The following ADGRV1 variants were observed in gnomAD, a reference collection of about 807,000 sequenced individuals.
ADGRV1 encodes the protein adhesion G protein-coupled receptor V1, also known as G-protein coupled receptor 98.
A neutral mutation model predicts 596.2 loss-of-function variants in ADGRV1; 359 were observed. The observed-to-expected ratio is 0.60, with a 90% CI of 0.55 to 0.66. The LOEUF (loss-of-function observed/expected upper bound fraction) is 0.66. ADGRV1 is among the 30% of genes least tolerant of loss of function. The pLI, the probability that ADGRV1 is intolerant of heterozygous loss-of-function variation, is 0.00. For synonymous variants in ADGRV1, 2,681 were observed against 2,679.2 expected (o/e 1.00, Z -0.02); for missense variants, 7,274 against 7,575.6 (o/e 0.96, Z 1.48).
intron 1 of ADGRV1, among the ~76,000 whole-genome samples, chr5:90,593,290 T>C (rs1278082396): frequency 6.6e-6 from 1 of 152,236 alleles, no homozygotes; most frequent in Non-Finnish European, 1.5e-5. Flanking sequence ...GATGAGTTCA[T>C]GTGCTTTGCA....
intron 85 of ADGRV1, among the ~76,000 whole-genome samples, chr5:91,015,677 G>A (rs1192442756): frequency 6.6e-6 from 1 of 151,972 alleles, no homozygotes; most frequent in Non-Finnish European, 1.5e-5. Context: ...TTTAAAGTCT[G>A]TTTTGTCTGA....
intron 83 of ADGRV1, among the ~76,000 whole-genome samples, chr5:90,888,213 A>T (rs1000066009): frequency 2.6e-5 from 4 of 152,174 alleles, no homozygotes; most frequent in Non-Finnish European, 5.9e-5. Flanking sequence ...GCATTAAATA[A>T]TGTTTTCCCT....
chr5:90,729,392 A>T (rs961478909), intron 49 of ADGRV1, among the ~76,000 whole-genome samples: 24 of 152,196 alleles, frequency 1.6e-4, no homozygotes, highest in Non-Finnish European at 2.8e-4. Context: ...TTCCTAAAAA[A>T]ATTAAAAAAA....
At chr5:91,002,022 A>G (rs1038612812) in intron 85 of ADGRV1, among the ~76,000 whole-genome samples, 14 of 152,160 alleles carry the variant, frequency 9.2e-5, no homozygotes, top group Admixed American at 8.5e-4. Flanking sequence ...TTTGTGTTAA[A>G]GAGATTAGCC....
At chr5:90,639,904 C>T (rs1320466782) in intron 11 of ADGRV1, among the ~76,000 whole-genome samples, 2 of 152,086 alleles carry the variant, frequency 1.3e-5, no homozygotes, top group African/African-American at 4.8e-5. Flanking sequence ...AAATAGTTAA[C>T]AGTTTATTGT....
chr5:90,725,049 A>T, intron 46 of ADGRV1, 37 bp from the exon 47 acceptor site: 1 of 1,536,264 alleles, frequency 6.5e-7, no homozygotes. Context: ...TTTTAGATGT[A>T]TAATGAATAA....
intron 85 of ADGRV1, among the ~76,000 whole-genome samples, chr5:91,046,903 A>G (rs1397698867): frequency 2.0e-5 from 3 of 152,188 alleles, no homozygotes; most frequent in Non-Finnish European, 4.4e-5. Context: ...TGGCCAACAA[A>G]CATATGAAAA....
At chr5:90,747,585 TA>T (rs1754767867) in intron 52 of ADGRV1, among the ~76,000 whole-genome samples, 1 of 152,098 alleles carries the variant, frequency 6.6e-6, no homozygotes, top group Middle Eastern at 3.4e-3. Context: ...TCACAAGATG[TA>T]TAAAATGTTG....
At chr5:91,034,114 G>A (rs1045078004) in intron 85 of ADGRV1, among the ~76,000 whole-genome samples, 3 of 151,934 alleles carry the variant, frequency 2.0e-5, no homozygotes, top group African/African-American at 7.3e-5. Flanking sequence ...AAAATTTAAA[G>A]TTTGTATTTA....
intron 83 of ADGRV1, among the ~76,000 whole-genome samples, chr5:90,898,065 CCCTAAGAAGCACT>C: frequency 6.6e-6 from 1 of 152,052 alleles, no homozygotes. Context: ...TTGATGTGTC[CCCTAAGAAGCACT>C]CTTCTTTTGG....
intron 86 of ADGRV1, among the ~76,000 whole-genome samples, chr5:91,093,850 A>C (rs13186180): frequency 7.1e-6 from 1 of 141,176 alleles, no homozygotes; most frequent in Non-Finnish European, 1.5e-5. Flanking sequence ...TACATACGTA[A>C]GTTTTTTTTT....
At chr5:90,960,085 G>C (rs568864103) in intron 83 of ADGRV1, among the ~76,000 whole-genome samples, 1 of 149,766 alleles carries the variant, frequency 6.7e-6, no homozygotes, top group East Asian at 2.0e-4. Flanking sequence ...CTTGCAGTGA[G>C]CCGAGATCGC....
At chr5:91,064,489 G>A (rs1787713429) in intron 85 of ADGRV1, among the ~76,000 whole-genome samples, 1 of 152,190 alleles carries the variant, frequency 6.6e-6, no homozygotes, top group Non-Finnish European at 1.5e-5. Flanking sequence ...AGTAGTAGTA[G>A]TGGTAGTAGT....
chr5:90,729,856 G>C (rs1752310794), intron 50 of ADGRV1, 92 bp downstream of exon 50: 1 of 1,296,970 alleles, frequency 7.7e-7, no homozygotes, highest in Admixed American at 2.3e-5. Flanking sequence ...GTATCACATT[G>C]CCAGACACTG....
chr5:91,026,427 C>T (rs1311261001), intron 85 of ADGRV1, among the ~76,000 whole-genome samples: 1 of 152,140 alleles, frequency 6.6e-6, no homozygotes, highest in African/African-American at 2.4e-5. Flanking sequence ...TTTCTTCTAT[C>T]TCAGTACAAT....
chr5:90,706,640 G>C (rs963428611), intron 38 of ADGRV1, among the ~76,000 whole-genome samples: 2 of 151,366 alleles, frequency 1.3e-5, no homozygotes, highest in African/African-American at 4.9e-5. Flanking sequence ...AACATAAGTG[G>C]TAACATTTAG....
At chr5:90,723,284 G>C (rs1445330840) in intron 45 of ADGRV1, among the ~76,000 whole-genome samples, 3 of 152,222 alleles carry the variant, frequency 2.0e-5, no homozygotes, top group Admixed American at 1.3e-4. Context: ...TGCATGTTTA[G>C]TTTGGAGAGA....
intron 85 of ADGRV1, among the ~76,000 whole-genome samples, chr5:91,071,403 A>G (rs1031029419): frequency 1.3e-5 from 2 of 152,162 alleles, no homozygotes; most frequent in African/African-American, 4.8e-5. Context: ...GAATCCACCA[A>G]CTAATTTGAA....
intron 84 of ADGRV1, 48 bp downstream of exon 84, chr5:90,965,579 C>A: frequency 9.1e-7 from 1 of 1,093,542 alleles, no homozygotes; most frequent in Non-Finnish European, 1.4e-6. Context: ...TTTAATGAAT[C>A]TGGGTGGAGT....
Sources: allele counts gnomAD v4.1 joint callset (sites outside exome capture counted in the v4.1 genomes callset), GRCh38; gene constraint gnomAD v4.1.1; transcripts MANE v1.5; gene names NCBI Gene and HGNC (gene_info 2026-07-23, HGNC 2026-07-21).